Variants in LRRC37A2 observed in about 807,000 individuals in gnomAD.
LRRC37A2 encodes the protein leucine-rich repeat-containing protein 37A2.
Under a neutral mutation model 68.8 loss-of-function variants are expected in LRRC37A2, and 9 were observed. The ratio of observed to expected loss-of-function variants is 0.13; its 90% confidence interval spans 0.08 to 0.23. LRRC37A2 has a LOEUF of 0.23. LRRC37A2 is among the 10% of genes least tolerant of loss of function. The pLI, the probability that LRRC37A2 is intolerant of heterozygous loss-of-function variation, is 1.00. For missense variants in LRRC37A2, 168 were observed against 950.4 expected (o/e 0.18, Z 10.82); for synonymous variants, 63 against 367.6 (o/e 0.17, Z 9.48).
the LRRC37A2 span, chr17:46,938,491 A>C: frequency 3.2e-6 from 5 of 1,561,214 alleles, no homozygotes; most frequent in Non-Finnish European, 4.4e-6. Flanking sequence ...TATTCTGGGC[A>C]TGACCAAGAG....
the LRRC37A2 span, among the ~76,000 whole-genome samples, chr17:47,036,176 T>G: frequency 6.6e-6 from 1 of 152,160 alleles, no homozygotes; most frequent in Non-Finnish European, 1.5e-5. Context: ...AAATCTAATG[T>G]ATCTATTTTT....
the LRRC37A2 span, among the ~76,000 whole-genome samples, chr17:47,007,160 TTTTC>T: frequency 2.6e-5 from 4 of 151,994 alleles, no homozygotes; most frequent in African/African-American, 7.3e-5. Flanking sequence ...GCAAATCTGA[TTTTC>T]TTTCTTTTTT....
chr17:46,782,547 C>T, the LRRC37A2 span, among the ~76,000 whole-genome samples: 11 of 152,250 alleles, frequency 7.2e-5, 1 homozygote, highest in South Asian at 6.2e-4. Context: ...AGGAACCAAG[C>T]GTTGGCTTTG....
the LRRC37A2 span, among the ~76,000 whole-genome samples, chr17:46,924,065 A>G: frequency 4.4e-4 from 67 of 152,364 alleles, no homozygotes; most frequent in African/African-American, 1.6e-3. Flanking sequence ...TTACATCACT[A>G]CGATCCATTT....
chr17:46,739,624 G>A, the LRRC37A2 span, among the ~76,000 whole-genome samples: 4 of 151,780 alleles, frequency 2.6e-5, no homozygotes, highest in African/African-American at 9.7e-5. Context: ...TGACTCCTGT[G>A]GGCCCCTTCC....
At chr17:46,734,152 A>G in the LRRC37A2 span, among the ~76,000 whole-genome samples, 4 of 152,176 alleles carry the variant, frequency 2.6e-5, no homozygotes, top group South Asian at 8.3e-4. Flanking sequence ...ATATTAAGCA[A>G]CTCTTTAGGC....
chr17:46,780,300 C>A, the LRRC37A2 span, among the ~76,000 whole-genome samples: 1 of 152,182 alleles, frequency 6.6e-6, no homozygotes, highest in African/African-American at 2.4e-5. Flanking sequence ...AGCACCCACT[C>A]CCCTGAGTGA....
chr17:46,940,971 G>A, the LRRC37A2 span: 1 of 1,221,748 alleles, frequency 8.2e-7, no homozygotes. Context: ...CCTCAGTGTA[G>A]GGAAGGGTCC....
At chr17:46,971,379 G>A in the LRRC37A2 span, among the ~76,000 whole-genome samples, 3 of 152,002 alleles carry the variant, frequency 2.0e-5, no homozygotes, top group Non-Finnish European at 4.4e-5. Flanking sequence ...AATATAATAA[G>A]GACACACTCC....
At chr17:46,807,914 G>A in the LRRC37A2 span, among the ~76,000 whole-genome samples, 3 of 152,202 alleles carry the variant, frequency 2.0e-5, no homozygotes, top group African/African-American at 7.2e-5. Flanking sequence ...GCTCCTCGGG[G>A]AGAAATAAAG....
chr17:46,837,131 T>C, the LRRC37A2 span, among the ~76,000 whole-genome samples: 5 of 152,036 alleles, frequency 3.3e-5, no homozygotes, highest in South Asian at 2.1e-4. Flanking sequence ...TTAGTAGAGA[T>C]GGGGTTTCAC....
At chr17:46,534,463 A>G (rs1244202595) in intron 6 of LRRC37A2, among the ~76,000 whole-genome samples, 2 of 148,860 alleles carry the variant, frequency 1.3e-5, no homozygotes, top group Non-Finnish European at 3.0e-5. Flanking sequence ...CCCTTAATCC[A>G]TTCAACCCTG....
the LRRC37A2 span, among the ~76,000 whole-genome samples, chr17:46,823,110 TA>T: frequency 1.0e-5 from 1 of 96,140 alleles, no homozygotes; most frequent in Non-Finnish European, 2.0e-5. Flanking sequence ...AATAAACACA[TA>T]TATTATATAT....
chr17:46,881,503 A>G, the LRRC37A2 span, among the ~76,000 whole-genome samples: 2 of 152,230 alleles, frequency 1.3e-5, no homozygotes, highest in African/African-American at 4.8e-5. Flanking sequence ...GTGACTTACC[A>G]AAGGCTATAT....
the LRRC37A2 span, chr17:46,757,139 G>C: frequency 5.3e-5 from 8 of 152,234 alleles, no homozygotes; most frequent in Non-Finnish European, 7.3e-5. Context: ...TGAGAAAGCA[G>C]ATCATCTCCA....
the LRRC37A2 span, chr17:47,010,673 G>A: frequency 6.6e-6 from 1 of 152,274 alleles, no homozygotes; most frequent in Non-Finnish European, 1.5e-5. Flanking sequence ...AGGTGGCGAG[G>A]AACAGGAGGC....
the LRRC37A2 span, chr17:47,035,106 G>C: frequency 6.6e-6 from 1 of 152,138 alleles, no homozygotes; most frequent in Non-Finnish European, 1.5e-5. Flanking sequence ...CAGCATGTTT[G>C]GTCTTCTGGC....
chr17:46,828,182 T>C, the LRRC37A2 span, among the ~76,000 whole-genome samples: 2 of 152,004 alleles, frequency 1.3e-5, no homozygotes, highest in African/African-American at 2.4e-5. Context: ...TCTCTTTTTT[T>C]CCTTTGGATT....
the LRRC37A2 span, among the ~76,000 whole-genome samples, chr17:47,008,354 G>A: frequency 5.9e-5 from 9 of 151,944 alleles, no homozygotes; most frequent in Non-Finnish European, 8.8e-5. Flanking sequence ...CTCGTGATCC[G>A]CCCGGCTTGG....
Sources: allele counts gnomAD v4.1 joint callset (sites outside exome capture counted in the v4.1 genomes callset), GRCh38; gene constraint gnomAD v4.1.1; transcripts MANE v1.5; gene names NCBI Gene and HGNC (gene_info 2026-07-23, HGNC 2026-07-21).